RHBDD1: variants seen among roughly 807,000 people sequenced by gnomAD.
RHBDD1 encodes rhomboid-related protein 4.
RHBDD1 carries 38 observed loss-of-function variants against 36.3 expected under a neutral mutation model. The ratio of observed to expected loss-of-function variants is 1.05; its 90% confidence interval spans 0.81 to 1.37. The LOEUF is 1.37. RHBDD1 is among the 40% of genes most tolerant of loss of function. The pLI is 0.00. For synonymous variants in RHBDD1, 151 were observed against 136.5 expected, an observed-to-expected ratio of 1.11 and a Z score of -0.74; for missense variants, 393 against 377.6, an observed-to-expected ratio of 1.04 and a Z score of -0.34.
chr2:226,960,602 G>T (rs1416555457), intron 8 of RHBDD1, among the ~76,000 whole-genome samples: 1 of 152,102 alleles, frequency 6.6e-6, no homozygotes, highest in Admixed American at 6.5e-5. Context: ...TTAAGGTGTG[G>T]CCTGATTTCA....
chr2:226,840,982 A>G lies in RHBDD1; in HGVS notation c.-91+1355A>G, dbSNP rs1427798631. Among the ~76,000 whole-genome samples the G allele has an allele frequency of 2.0e-5, 3 of 152,120 alleles. No homozygotes were observed. In the East Asian group the frequency reaches 5.8e-4, roughly 29 times the overall value. On this transcript the variant is annotated intron_variant, in intron 3 of 8. Transcript: ENST00000392062. ...TATTACTGATACCAGCAATATTGCA[A>G]TTATGTGTGTTGCAATGAATCAGTT...
intron 8 of RHBDD1, among the ~76,000 whole-genome samples, chr2:226,958,448 G>A (rs1003375068): frequency 6.6e-6 from 1 of 152,158 alleles, no homozygotes; most frequent in Non-Finnish European, 1.5e-5. Context: ...GGGTGATAAA[G>A]ATGTTCTAAA....
At chr2:226,837,331 G>A (rs1334675580) in intron 1 of RHBDD1, among the ~76,000 whole-genome samples, 1 of 152,206 alleles carries the variant, frequency 6.6e-6, no homozygotes, top group Non-Finnish European at 1.5e-5. Context: ...GTAGATATGA[G>A]CTGTAGCGCA....
the RHBDD1 span, among the ~76,000 whole-genome samples, chr2:226,816,747 T>G: frequency 1.3e-5 from 2 of 151,986 alleles, no homozygotes; most frequent in Admixed American, 1.3e-4. Flanking sequence ...AATACAAAAA[T>G]TAGCTGGGCA....
chr2:226,850,783 C>T (rs991770067), intron 3 of RHBDD1, among the ~76,000 whole-genome samples: 3 of 152,082 alleles, frequency 2.0e-5, no homozygotes, highest in African/African-American at 7.2e-5. Flanking sequence ...CCAGCAAATC[C>T]CAGCAAATGG....
intron 8 of RHBDD1, among the ~76,000 whole-genome samples, chr2:226,971,332 G>GCAAAGTCT (rs1481038176): frequency 2.6e-5 from 4 of 152,316 alleles, no homozygotes; most frequent in African/African-American, 9.6e-5. Flanking sequence ...CAAGTAAGTG[G>GCAAAGTCT]CAAAGTCTGG....
At chr2:226,899,049 C>T (rs140690949) in intron 5 of RHBDD1, among the ~76,000 whole-genome samples, 140 of 152,306 alleles carry the variant, frequency 9.2e-4, no homozygotes, top group Non-Finnish European at 1.4e-3. Context: ...AAAGAATTTG[C>T]CATTTAATAG....
At chr2:226,815,525 A>G in the RHBDD1 span, among the ~76,000 whole-genome samples, 1 of 152,228 alleles carries the variant, frequency 6.6e-6, no homozygotes, top group East Asian at 1.9e-4. Context: ...TAATTCCTCT[A>G]GGTAATATAA....
intron 7 of RHBDD1, among the ~76,000 whole-genome samples, chr2:226,912,924 T>C (rs1272124102): frequency 6.6e-6 from 1 of 152,190 alleles, no homozygotes; most frequent in African/African-American, 2.4e-5. Flanking sequence ...ATGACCAATA[T>C]TTATATAAAA....
the RHBDD1 span, chr2:226,807,360 T>A: frequency 2.0e-5 from 3 of 152,210 alleles, no homozygotes; most frequent in Non-Finnish European, 2.9e-5. Flanking sequence ...AGAAAAATTT[T>A]AAAAACTGCT....
chr2:226,950,701 C>G (rs1003367559), intron 8 of RHBDD1, among the ~76,000 whole-genome samples: 1 of 152,190 alleles, frequency 6.6e-6, no homozygotes, highest in Admixed American at 6.5e-5. Context: ...GGTGATACCT[C>G]ACTGTGGTTT....
chr2:226,909,927 G>A (rs904042731), intron 7 of RHBDD1, among the ~76,000 whole-genome samples: 4 of 152,118 alleles, frequency 2.6e-5, no homozygotes, highest in South Asian at 2.1e-4. Context: ...TTAAAGGACC[G>A]GACAGATAAT....
chr2:226,891,074 T>G (rs1209075130), intron 5 of RHBDD1, among the ~76,000 whole-genome samples: 1 of 152,202 alleles, frequency 6.6e-6, no homozygotes, highest in Admixed American at 6.5e-5. Context: ...ATCCAGTAGC[T>G]TAAAACAACC....
chr2:226,851,887 A>G (rs948420092), intron 3 of RHBDD1, among the ~76,000 whole-genome samples: 9 of 152,270 alleles, frequency 5.9e-5, no homozygotes, highest in African/African-American at 2.2e-4. Context: ...GCCAGTCGTC[A>G]GTGTAGTAAA....
chr2:226,820,457 T>C, the RHBDD1 span, among the ~76,000 whole-genome samples: 1 of 152,204 alleles, frequency 6.6e-6, no homozygotes, highest in Non-Finnish European at 1.5e-5. Flanking sequence ...CTCAGTCTTA[T>C]ATTTCTCAGG....
intron 5 of RHBDD1, among the ~76,000 whole-genome samples, chr2:226,900,654 T>C (rs758881749): frequency 2.6e-5 from 4 of 152,220 alleles, no homozygotes; most frequent in Non-Finnish European, 4.4e-5. Flanking sequence ...AGTCATTATC[T>C]ATACCAGTGA....
intron 8 of RHBDD1, among the ~76,000 whole-genome samples, chr2:226,993,064 C>G (rs1004284046): frequency 6.6e-6 from 1 of 152,224 alleles, no homozygotes; most frequent in South Asian, 2.1e-4. Context: ...TGGTTCTCCT[C>G]GAATGCCCTG....
At chr2:226,813,934 C>T in the RHBDD1 span, among the ~76,000 whole-genome samples, 2 of 152,174 alleles carry the variant, frequency 1.3e-5, no homozygotes, top group Non-Finnish European at 2.9e-5. Flanking sequence ...AAGAGTTGGC[C>T]AGTTTGACAC....
intron 5 of RHBDD1, 140 bp downstream of exon 5, chr2:226,867,458 G>A (rs1473787922): frequency 8.2e-7 from 1 of 1,217,488 alleles, no homozygotes; most frequent in African/African-American, 1.6e-5. Context: ...AAGCTTAATA[G>A]TTTTAATGTC....
Sources: gnomAD v4.1 joint callset for allele counts (sites outside exome capture counted in the v4.1 genomes callset) on GRCh38, gnomAD v4.1.1 for gene constraint, MANE v1.5 for transcripts, NCBI Gene and HGNC (gene_info 2026-07-23, HGNC 2026-07-21) for gene names.